The following CRYL1 variants were observed in gnomAD, a reference collection of about 807,000 sequenced individuals.
CRYL1 encodes the protein crystallin lambda 1.
In CRYL1, 29 loss-of-function variants were observed where a neutral mutation model predicts 36.6. That is an observed-to-expected ratio of 0.79 (90% CI 0.59 to 1.08). The LOEUF (loss-of-function observed/expected upper bound fraction) is 1.08, where lower values mean the gene tolerates loss of function less well. CRYL1 is among the 50% of genes least tolerant of loss of function. The pLI is 0.00. For synonymous variants in CRYL1, 152 were observed against 151.5 expected (o/e 1.00, Z -0.02); for missense variants, 411 against 407.9 (o/e 1.01, Z -0.06).
intron 5 of CRYL1, among the ~76,000 whole-genome samples, chr13:20,420,701 T>TTTTTTTTTTTTGTGTGTGTGTGTG: frequency 4.6e-5 from 1 of 21,840 alleles, no homozygotes; most frequent in African/African-American, 1.1e-4. Flanking sequence ...AAAATAGAGG[T>TTTTTTTTTTTTGTGTGTGTGTGTG]TGTGTGTGTG....
At chr13:20,474,236 A>C (rs564692571) in intron 3 of CRYL1, among the ~76,000 whole-genome samples, 4 of 152,310 alleles carry the variant, frequency 2.6e-5, no homozygotes, top group South Asian at 2.1e-4. Flanking sequence ...ACTTTCAGCC[A>C]TCATAGTGGC....
chr13:20,464,650 G>A (rs755387674), intron 3 of CRYL1, among the ~76,000 whole-genome samples: 4 of 152,056 alleles, frequency 2.6e-5, no homozygotes, highest in Admixed American at 2.6e-4. Context: ...TCTTAATAGT[G>A]GGCTGTTTGT....
chr13:20,507,524 G>A lies in CRYL1; in HGVS notation c.149+4919C>T, dbSNP rs140920522. Among the ~76,000 whole-genome samples the A allele has an allele frequency of 3.5e-3, 528 of 152,252 alleles. 5 individuals carry two copies. The highest frequency in any genetic ancestry group is 0.012 in the African/African-American group (506 of 41,524). ...AGATTCACGGGTCTCCTCTTCCCTT[G>A]GAGGTACTCTCCTTCTCCAGTACTG... On this transcript the variant is annotated intron_variant, in intron 2 of 7. Transcript: ENST00000298248.
intron 1 of CRYL1, among the ~76,000 whole-genome samples, chr13:20,521,902 T>G (rs548147816): frequency 6.6e-6 from 1 of 152,322 alleles, no homozygotes; most frequent in South Asian, 2.1e-4. Context: ...AAAGAGCTAT[T>G]AAGTAACTCC....
intron 3 of CRYL1, among the ~76,000 whole-genome samples, chr13:20,487,576 A>G (rs1408953622): frequency 6.6e-6 from 1 of 152,226 alleles, no homozygotes; most frequent in East Asian, 1.9e-4. Flanking sequence ...TAGATCACTT[A>G]TTAATATTTC....
intron 6 of CRYL1, among the ~76,000 whole-genome samples, chr13:20,409,331 C>A (rs546704097): frequency 6.6e-6 from 1 of 151,558 alleles, no homozygotes; most frequent in East Asian, 1.9e-4. Context: ...CTTCCTTACA[C>A]CTTATACAAA....
At chr13:20,451,856 A>C (rs73443950) in intron 3 of CRYL1, among the ~76,000 whole-genome samples, 1,685 of 152,330 alleles carry the variant, frequency 0.011, 25 homozygotes, top group African/African-American at 0.038. Flanking sequence ...ATTATTCATA[A>C]TTGCAAAGAC....
chr13:20,421,967 C>T (rs2031828647), intron 5 of CRYL1, among the ~76,000 whole-genome samples: 1 of 151,924 alleles, frequency 6.6e-6, no homozygotes, highest in South Asian at 2.1e-4. Flanking sequence ...GGTTTTGTTG[C>T]TCACCAATAT....
At chr13:20,405,040 C>T (rs938275146) in intron 6 of CRYL1, among the ~76,000 whole-genome samples, 7 of 152,148 alleles carry the variant, frequency 4.6e-5, no homozygotes, top group Admixed American at 2.0e-4. Context: ...GAGGCCAAGG[C>T]GGGTAGATCA....
chr13:20,418,937 C>A (rs1263252544), intron 5 of CRYL1: 1 of 152,190 alleles, frequency 6.6e-6, no homozygotes, highest in African/African-American at 2.4e-5. Flanking sequence ...AGGTGAGTGT[C>A]AAATAAAGAA....
At chr13:20,480,166 C>T (rs1322849632) in intron 3 of CRYL1, among the ~76,000 whole-genome samples, 3 of 152,134 alleles carry the variant, frequency 2.0e-5, no homozygotes, top group Non-Finnish European at 4.4e-5. Context: ...GCAGGCGGAC[C>T]TGAGGTGAGT....
chr13:20,415,745 C>T lies in CRYL1; in HGVS notation c.634-2358G>A, dbSNP rs2031646949. ...GCCCGCACCCTGACTCCTGCAATTG[C>T]GGCTTTCCCGCTTTTCAGACTGGCC... On this transcript the variant is annotated intron_variant, in intron 5 of 7. Transcript: ENST00000298248. The surrounding 1 kb of genome is among the most constrained non-coding windows in gnomAD (Gnocchi z 4.1). Among the ~76,000 whole-genome samples the T allele has an allele frequency of 6.6e-6, 1 of 152,260 alleles. No individual in the cohort carries two copies. Among genetic ancestry groups the T allele is most frequent in the Admixed American group, 6.5e-5 (1 of 15,288 alleles).
chr13:20,496,912 T>C (rs1051942869), intron 2 of CRYL1, among the ~76,000 whole-genome samples: 1 of 150,210 alleles, frequency 6.7e-6, no homozygotes, highest in African/African-American at 2.5e-5. Context: ...GGACAAAATA[T>C]GCTAATTTTT....
chr13:20,432,757 C>G (rs1408402664), intron 4 of CRYL1, among the ~76,000 whole-genome samples: 1 of 152,124 alleles, frequency 6.6e-6, no homozygotes, highest in Non-Finnish European at 1.5e-5. Context: ...GTGGCTCACA[C>G]CTGTAATCCC....
At chr13:20,457,955 C>G (rs548343538) in intron 3 of CRYL1, among the ~76,000 whole-genome samples, 1 of 152,086 alleles carries the variant, frequency 6.6e-6, no homozygotes, top group African/African-American at 2.4e-5. Context: ...GGCAGAGCCT[C>G]GAAAGCCAGG....
At chr13:20,497,578 C>T (rs1029427895) in intron 2 of CRYL1, among the ~76,000 whole-genome samples, 1 of 150,428 alleles carries the variant, frequency 6.6e-6, no homozygotes, top group Non-Finnish European at 1.5e-5. Context: ...ACTACACACA[C>T]CATATATATG....
intron 3 of CRYL1, among the ~76,000 whole-genome samples, chr13:20,463,051 C>T (rs1009664080): frequency 6.6e-6 from 1 of 152,094 alleles, no homozygotes; most frequent in Non-Finnish European, 1.5e-5. Flanking sequence ...TAAGAAGAAA[C>T]GGCAGCAGAA....
At chr13:20,493,351 G>A (rs528286625) in intron 2 of CRYL1, among the ~76,000 whole-genome samples, 4 of 152,188 alleles carry the variant, frequency 2.6e-5, no homozygotes, top group Non-Finnish European at 5.9e-5. Flanking sequence ...GCCCTATAGC[G>A]ACAGGGCGGT....
chr13:20,438,609 C>T lies in CRYL1; in HGVS notation c.438+984G>A, dbSNP rs529508684. 2.6e-4 allele frequency among the ~76,000 whole-genome samples: 39 copies of T among 152,280 alleles called. No homozygotes were observed. The South Asian group carries it at 6.8e-3, about 27-fold the overall frequency. On this transcript the variant is annotated intron_variant, in intron 4 of 7. Transcript: ENST00000298248. ...TTCTGCACACCGAGCGTGTTCTTGG[C>T]CCAGGGTCTTTGCTTATGCTCTTCC...
Sources: allele counts gnomAD v4.1 joint callset (sites outside exome capture counted in the v4.1 genomes callset), GRCh38; gene constraint gnomAD v4.1.1; non-coding constraint Gnocchi (gnomAD v3.1); transcripts MANE v1.5; gene names NCBI Gene and HGNC (gene_info 2026-07-23, HGNC 2026-07-21).